The following USHBP1 variants were observed in gnomAD, a reference collection of about 807,000 sequenced individuals.
USHBP1 encodes harmonin-binding protein USHBP1.
Under a neutral mutation model 76.2 loss-of-function variants are expected in USHBP1, and 67 were observed. That is an observed-to-expected ratio of 0.88 (90% CI 0.72 to 1.08). The LOEUF (loss-of-function observed/expected upper bound fraction) is 1.08, where lower values mean the gene tolerates loss of function less well. Among genes scored for constraint, USHBP1 ranks in the 50% least tolerant of loss-of-function variants. USHBP1 has a pLI of 0.00. For missense variants in USHBP1, 931 were observed against 915.0 expected (o/e 1.02, Z -0.23); for synonymous variants, 322 against 362.2 (o/e 0.89, Z 1.26).
Position 17,251,589 on chromosome 19 carries a change from C to A in USHBP1, c.1915G>T (p.Ala639Ser). 1 of 1,613,906 alleles carries A rather than the reference C, an allele frequency of 6.2e-7. No individual in the cohort carries two copies. The highest frequency in any genetic ancestry group is 8.5e-7 in the Non-Finnish European group (1 of 1,179,910). ...SAELNRDLCK[A>S]HSALVLAFRG... ...GATGCAGAACAGTCCTACCTGTGGG[C>A]TTTGCATAAATCCCTGTTCAGCTCG... is the stretch of plus-strand genomic sequence containing the variant. Residue 639 changes from alanine (A) to serine (S), a missense_variant, in exon 12 of 13, where the codon GCC becomes TCC. Ala to Ser is a moderately conservative substitution (Grantham distance 99). Coordinates refer to ENST00000252597, the MANE Select transcript of USHBP1 (RefSeq NM_031941.4).
intron 7 of USHBP1, 123 bp downstream of exon 7, chr19:17,259,164 CAA>C: frequency 7.4e-6 from 8 of 1,087,072 alleles, no homozygotes; most frequent in South Asian, 2.0e-5. Context: ...GATTCTGTCT[CAA>C]AAAAAAAAAT....
Position 17,250,143 on chromosome 19 carries a change from C to A in USHBP1, c.*82G>T. On this transcript the variant is annotated 3_prime_UTR_variant, in exon 13 of 13. Coordinates refer to ENST00000252597, the MANE Select transcript of USHBP1 (RefSeq NM_031941.4). ...ATGTGCCCCAACATGCCAAATCATG[C>A]AACATGACATGATGTCACTCCAGGA... 1 of 1,464,234 alleles carries A rather than the reference C, an allele frequency of 6.8e-7. No homozygotes were observed. Among genetic ancestry groups the A allele is most frequent in the Non-Finnish European group, 9.2e-7 (1 of 1,090,414 alleles). The allele number at this position is 1,464,234 out of a possible 1,614,324, so 90.7% of individuals were successfully genotyped here.
intron 8 of USHBP1, 127 bp downstream of exon 8, chr19:17,258,085 G>A (rs80090147): frequency 0.023 from 29,778 of 1,314,342 alleles, 438 homozygotes; most frequent in South Asian, 0.041. Context: ...ACTACAGTGA[G>A]CTCCATACCG....
In USHBP1 at chr19:17,255,489, G is replaced by T. The variant is rs759047593; in HGVS notation, c.1588C>A (p.Gln530Lys). 6.2e-7 allele frequency: 1 copy of T among 1,613,872 alleles called. No homozygotes were observed. The highest frequency in any genetic ancestry group is 8.5e-7 in the Non-Finnish European group (1 of 1,179,920). ...LGPAHVLLLE[Q>K]LRWERAELQA... ...AGCTCTGCCCGTTCCCACCGCAGCT[G>T]CTCCAGCAGGAGCACGTGAGCTGGA... Residue 530 changes from glutamine to lysine, a missense_variant, in exon 10 of 13, where the codon CAG becomes AAG. Physicochemically the swap from Gln to Lys is moderately conservative, Grantham distance 53 (BLOSUM62 1). Coordinates refer to ENST00000252597, the MANE Select transcript of USHBP1 (RefSeq NM_031941.4).
At chr19:17,257,977 T>C (rs2073640692) in intron 8 of USHBP1, among the ~76,000 whole-genome samples, 1 of 152,162 alleles carries the variant, frequency 6.6e-6, no homozygotes, top group Admixed American at 6.5e-5. Flanking sequence ...CAGTAGGCAT[T>C]GTCATTCATC....
intron 7 of USHBP1, 23 bp from the exon 8 acceptor site, chr19:17,258,408 G>A: frequency 2.5e-6 from 4 of 1,602,208 alleles, no homozygotes; most frequent in Non-Finnish European, 3.4e-6. Context: ...GGTTCTGAGT[G>A]CTTCAGGACA....
At chr19:17,255,288 G>A (rs1473871893) in intron 10 of USHBP1, 97 bp downstream of exon 10, 3 of 1,321,838 alleles carry the variant, frequency 2.3e-6, no homozygotes, top group Non-Finnish European at 3.0e-6. Context: ...GCCAAACTCC[G>A]TCTCAAAAAA....
chr19:17,260,813 T>G (rs1214449537), intron 4 of USHBP1, among the ~76,000 whole-genome samples: 1 of 152,166 alleles, frequency 6.6e-6, no homozygotes, highest in African/African-American at 2.4e-5. Context: ...CAGCCAAACC[T>G]GCCTACCCTG....
chr19:17,257,584 G>A (rs2073635538), intron 8 of USHBP1, among the ~76,000 whole-genome samples: 1 of 146,986 alleles, frequency 6.8e-6, no homozygotes, highest in Non-Finnish European at 1.5e-5. Flanking sequence ...AGAGGTTGCA[G>A]TGAGCCGAGA....
At chr19:17,261,976 A>G (rs2073694677) in intron 4 of USHBP1, among the ~76,000 whole-genome samples, 1 of 145,930 alleles carries the variant, frequency 6.9e-6, no homozygotes, top group Admixed American at 6.9e-5. Flanking sequence ...GGCATGAGCC[A>G]CTGCACCCAG....
chr19:17,255,300 A>G (rs2073603890), intron 10 of USHBP1, 85 bp downstream of exon 10: 1 of 1,358,398 alleles, frequency 7.4e-7, no homozygotes, highest in African/African-American at 2.3e-5. Flanking sequence ...CTCAAAAAAA[A>G]CAAAAAAAAA....
chr19:17,261,589 C>T (rs1342359021), intron 4 of USHBP1, among the ~76,000 whole-genome samples: 4 of 151,476 alleles, frequency 2.6e-5, no homozygotes, highest in Non-Finnish European at 4.4e-5. Flanking sequence ...GCCTCGGCCT[C>T]CCAAAGTGCT....
At chr19:17,258,418 A>C in intron 7 of USHBP1, 33 bp from the exon 8 acceptor site, 1 of 1,595,942 alleles carries the variant, frequency 6.3e-7, no homozygotes, top group Non-Finnish European at 8.6e-7. Flanking sequence ...GCTTCAGGAC[A>C]CTCAGCTCGG....
intron 10 of USHBP1, among the ~76,000 whole-genome samples, 181 bp from the exon 11 acceptor site, chr19:17,252,198 A>T (rs1021448806): frequency 1.3e-5 from 2 of 152,032 alleles, no homozygotes; most frequent in Admixed American, 6.6e-5. Context: ...CTATTTAATT[A>T]AAAAAAATTT....
chr19:17,251,261 C>A (rs1215361341), intron 12 of USHBP1, among the ~76,000 whole-genome samples: 1 of 151,036 alleles, frequency 6.6e-6, no homozygotes, highest in African/African-American at 2.4e-5. Flanking sequence ...CCTCCACCTC[C>A]TGGGTTTAAG....
chr19:17,255,316 T>A (rs1460208564), intron 10 of USHBP1, 69 bp downstream of exon 10: 2 of 1,444,178 alleles, frequency 1.4e-6, no homozygotes, highest in Non-Finnish European at 1.9e-6. Flanking sequence ...AAAAAAAGGC[T>A]GTGATTGACA....
chr19:17,261,008 G>A (rs1258003177), intron 4 of USHBP1, among the ~76,000 whole-genome samples: 1 of 152,086 alleles, frequency 6.6e-6, no homozygotes, highest in Non-Finnish European at 1.5e-5. Flanking sequence ...TCGCCTCCTG[G>A]CTCTCCAGGA....
Position 17,256,737 on chromosome 19 carries a change from AG to A in USHBP1, c.1221-18del. ...CCTTCAGGGCTATAGAAAACAGAAAAGGTGCCTATGTCAACACTGGCAGGCA... is the reference window on the plus strand; with the variant it reads ...CCTTCAGGGCTATAGAAAACAGAAAAGTGCCTATGTCAACACTGGCAGGCA... On this transcript the variant is annotated intron_variant, in intron 8 of 12. Transcript: ENST00000252597. 1 of 1,613,932 alleles carries A rather than the reference AG, an allele frequency of 6.2e-7. No homozygotes were observed. Among genetic ancestry groups the A allele is most frequent in the Non-Finnish European group, 8.5e-7 (1 of 1,180,018 alleles).
intron 10 of USHBP1, 84 bp downstream of exon 10, chr19:17,255,297 AAAAC>A: frequency 5.1e-6 from 7 of 1,385,060 alleles, no homozygotes; most frequent in Middle Eastern, 1.9e-4. Flanking sequence ...CGTCTCAAAA[AAAAC>A]AAAAAAAAAA....
Sources: allele counts gnomAD v4.1 joint callset (sites outside exome capture counted in the v4.1 genomes callset), GRCh38; gene constraint gnomAD v4.1.1; transcripts MANE v1.5; gene names NCBI Gene and HGNC (gene_info 2026-07-23, HGNC 2026-07-21).